Variants in KCNN2 observed in about 807,000 individuals in gnomAD.
KCNN2 encodes the protein potassium calcium-activated channel subfamily N member 2.
A neutral mutation model predicts 55.5 loss-of-function variants in KCNN2; 24 were observed. The observed-to-expected ratio is 0.43, with a 90% CI of 0.31 to 0.61. KCNN2 has a LOEUF of 0.61. Among genes scored for constraint, KCNN2 ranks in the 20% least tolerant of loss-of-function variants. The pLI is 0.08. For missense variants in KCNN2, 754 were observed against 853.6 expected (o/e 0.88, Z 1.45); for synonymous variants, 431 against 336.1 (o/e 1.28, Z -3.09).
At chr5:114,338,670 C>G (rs186826300) in intron 2 of KCNN2, among the ~76,000 whole-genome samples, 1 of 152,208 alleles carries the variant, frequency 6.6e-6, no homozygotes, top group Non-Finnish European at 1.5e-5. Flanking sequence ...AATCCATGAG[C>G]AGGGTAAAGA....
intron 1 of KCNN2, among the ~76,000 whole-genome samples, chr5:114,148,806 C>A (rs1752456730): frequency 6.6e-6 from 1 of 152,062 alleles, no homozygotes; most frequent in African/African-American, 2.4e-5. Context: ...AAGGAGAGAT[C>A]AAATTCCTCA....
intron 1 of KCNN2, among the ~76,000 whole-genome samples, chr5:114,133,162 A>G (rs1301513586): frequency 6.6e-6 from 1 of 152,186 alleles, no homozygotes; most frequent in Non-Finnish European, 1.5e-5. Context: ...ACTGATAATT[A>G]TCAGATTCTA....
chr5:114,411,100 G>A (rs141709720), intron 3 of KCNN2, among the ~76,000 whole-genome samples: 32 of 152,186 alleles, frequency 2.1e-4, no homozygotes, highest in African/African-American at 7.5e-4. Flanking sequence ...AGAACCTGAG[G>A]AATAGAGACT....
intron 1 of KCNN2, among the ~76,000 whole-genome samples, chr5:114,133,985 C>T (rs1315786931): frequency 1.3e-5 from 2 of 152,190 alleles, no homozygotes; most frequent in African/African-American, 4.8e-5. Flanking sequence ...CCTAATTATA[C>T]AATTATATTG....
chr5:114,253,275 A>AGAGGAG lies in KCNN2; in HGVS notation c.-185+31712_-185+31717dup, dbSNP rs1754914069. 2.0e-5 allele frequency among the ~76,000 whole-genome samples: 3 copies of AGAGGAG among 151,958 alleles called. No homozygotes were observed. The South Asian group carries it at 6.2e-4, about 31-fold the overall frequency. On this transcript the variant is annotated intron_variant, in intron 2 of 10. Coordinates refer to the KCNN2 transcript ENST00000512097. ...GAACTAGAATTAATAATCTGAAGGG[A>AGAGGAG]GAGGAGGCTACCTTATGGAAATGCA...
intron 2 of KCNN2, among the ~76,000 whole-genome samples, chr5:114,316,460 T>C (rs1238674716): frequency 6.6e-6 from 1 of 152,164 alleles, no homozygotes; most frequent in Non-Finnish European, 1.5e-5. Context: ...TACCAACGTG[T>C]AGGCTCAAAG....
At chr5:114,459,158 T>A (rs1761075712) in intron 3 of KCNN2, among the ~76,000 whole-genome samples, 1 of 152,246 alleles carries the variant, frequency 6.6e-6, no homozygotes, top group South Asian at 2.1e-4. Flanking sequence ...TTGCTTCTTT[T>A]AAAACATTAA....
intron 2 of KCNN2, among the ~76,000 whole-genome samples, chr5:114,276,634 A>G (rs1243566178): frequency 6.7e-6 from 1 of 148,794 alleles, no homozygotes; most frequent in African/African-American, 2.5e-5. Context: ...CTGTTTTATC[A>G]GAGACCAGTA....
chr5:114,135,910 G>C (rs971866830), intron 1 of KCNN2, among the ~76,000 whole-genome samples: 1 of 152,064 alleles, frequency 6.6e-6, no homozygotes, highest in African/African-American at 2.4e-5. Context: ...GGAGATAAAA[G>C]AAATGTAAGT....
chr5:114,438,618 A>G (rs931847202), intron 3 of KCNN2, among the ~76,000 whole-genome samples: 19 of 152,110 alleles, frequency 1.2e-4, no homozygotes, highest in African/African-American at 4.6e-4. Flanking sequence ...AACAACAAAC[A>G]GTCTCTATGA....
In KCNN2 at chr5:114,088,990, T is replaced by A. The variant is rs1751080009; in HGVS notation, c.-271+32490T>A. Among the ~76,000 whole-genome samples the A allele has an allele frequency of 3.3e-5, 5 of 152,254 alleles. No homozygotes were observed. In the South Asian group the frequency reaches 8.3e-4, roughly 25 times the overall value. ...TTCTCACCATACTGAGTTTTTTAAA[T>A]GTAATTCCTTAAACATATTTATAAT... is the stretch of plus-strand genomic sequence containing the variant. On this transcript the variant is annotated intron_variant, in intron 1 of 10. Coordinates refer to the KCNN2 transcript ENST00000512097.
At chr5:114,403,512 C>T (rs1758846007) in intron 2 of KCNN2, among the ~76,000 whole-genome samples, 1 of 152,134 alleles carries the variant, frequency 6.6e-6, no homozygotes, top group Admixed American at 6.5e-5. Flanking sequence ...GCATCCCTGG[C>T]TTCTGGGCCC....
At chr5:114,460,440 A>G (rs1761141252) in intron 3 of KCNN2, among the ~76,000 whole-genome samples, 1 of 152,024 alleles carries the variant, frequency 6.6e-6, no homozygotes, top group South Asian at 2.1e-4. Context: ...ATGGGGTTTC[A>G]CTGTGTTGGC....
At chr5:114,477,539 T>G (rs1460816531) in intron 5 of KCNN2, among the ~76,000 whole-genome samples, 2 of 152,170 alleles carry the variant, frequency 1.3e-5, no homozygotes, top group Admixed American at 1.3e-4. Context: ...CAGAACAAAC[T>G]AATGATTTTG....
intron 1 of KCNN2, among the ~76,000 whole-genome samples, chr5:114,074,339 C>CGT (rs1750643160): frequency 6.7e-6 from 1 of 148,488 alleles, no homozygotes; most frequent in East Asian, 1.9e-4. Context: ...TGCGCGCGCG[C>CGT]GCCAGAGAGA....
chr5:114,095,785 A>G (rs967356687), intron 1 of KCNN2, among the ~76,000 whole-genome samples: 1 of 152,100 alleles, frequency 6.6e-6, no homozygotes, highest in Non-Finnish European at 1.5e-5. Flanking sequence ...TGCCTTAGAC[A>G]TATCTCCTTG....
Position 114,264,916 on chromosome 5 carries a change from A to G in KCNN2, c.-185+43351A>G, listed in dbSNP as rs573550377. ...CCTCAGGGATATAAGCATAGAAGGTAAATTTTACCTATTGCCTGAAAACCT... is the reference window on the plus strand; with the variant it reads ...CCTCAGGGATATAAGCATAGAAGGTGAATTTTACCTATTGCCTGAAAACCT... On this transcript the variant is annotated intron_variant, in intron 2 of 10. Coordinates refer to the KCNN2 transcript ENST00000512097. Among the ~76,000 whole-genome samples, 41 of 152,330 alleles carry G rather than the reference A, an allele frequency of 2.7e-4. No individual in the cohort carries two copies. The East Asian group carries it at 5.8e-3, about 22-fold the overall frequency.
At chr5:114,339,799 T>G (rs1756983667) in intron 2 of KCNN2, among the ~76,000 whole-genome samples, 1 of 138,820 alleles carries the variant, frequency 7.2e-6, no homozygotes. Flanking sequence ...CCAGACCTTA[T>G]CACAAACAAA....
Position 114,492,962 on chromosome 5 carries a change from C to T in KCNN2, c.2019-441C>T, listed in dbSNP as rs555846078. 9.9e-5 allele frequency among the ~76,000 whole-genome samples: 15 copies of T among 151,964 alleles called. No individual in the cohort carries two copies. The Middle Eastern group carries it at 0.01, about 103-fold the overall frequency. On this transcript the variant is annotated intron_variant, in intron 6 of 7. Transcript: ENST00000673685. ...TTCAAATACCTAACCCAATCCATTT[C>T]GGACTAAACAGGGCTAATACCTGTA...
Sources: allele counts gnomAD v4.1 joint callset (sites outside exome capture counted in the v4.1 genomes callset), GRCh38; gene constraint gnomAD v4.1.1; transcripts MANE v1.5; gene names NCBI Gene and HGNC (gene_info 2026-07-23, HGNC 2026-07-21).